Variants in SLC16A1 observed in about 807,000 individuals in gnomAD.
SLC16A1 encodes solute carrier family 16 member 1.
Under a neutral mutation model 32.2 loss-of-function variants are expected in SLC16A1, and 11 were observed. That is an observed-to-expected ratio of 0.34 (90% CI 0.21 to 0.56). The LOEUF (loss-of-function observed/expected upper bound fraction) is 0.56, where lower values mean the gene tolerates loss of function less well. Ranked by LOEUF, SLC16A1 falls within the 20% of genes least tolerant of loss-of-function variation. The pLI, the probability that SLC16A1 is intolerant of heterozygous loss-of-function variation, is 0.87. For synonymous variants in SLC16A1, 231 were observed against 226.8 expected (o/e 1.02, Z -0.17); for missense variants, 435 against 615.0 (o/e 0.71, Z 3.10).
In SLC16A1 at chr1:112,929,276, G is replaced by A; in HGVS notation, c.33C>T (p.Tyr11=). The part of the protein sequence containing the change: MPPAVGGPVG[Y]TPPDGGWGWA... ...AGCCCCAGCCTCCATCTGGGGGGGT[G>A]TATCCAACTGGACCTCCAACTGCTG... is the stretch of plus-strand genomic sequence containing the variant. Residue 11 remains tyrosine, a synonymous_variant, in exon 2 of 5, where the codon TAC becomes TAT. Transcript: ENST00000369626. The A allele has an allele frequency of 6.2e-7, 1 of 1,614,014 alleles. No individual in the cohort carries two copies. Among genetic ancestry groups the A allele is most frequent in the South Asian group, 1.1e-5 (1 of 91,074 alleles).
rs113308126 is a variant in SLC16A1 at position 112,937,350 on chromosome 1, T to C, written c.-44-7998A>G. Among the ~76,000 whole-genome samples the C allele has an allele frequency of 3.9e-3, 595 of 152,272 alleles. 1 individual carries two copies. Among genetic ancestry groups the C allele is most frequent in the Non-Finnish European group, 6.6e-3 (448 of 68,012 alleles). ...CTTATTCCACAGTGCCAAAATTAGA[T>C]TTAAAGCCTCAAGAAACTTTAGAAA... On this transcript the variant is annotated intron_variant, in intron 1 of 4. Transcript: ENST00000369626.
intron 1 of SLC16A1, among the ~76,000 whole-genome samples, chr1:112,951,383 A>G (rs946696191): frequency 6.6e-6 from 1 of 150,834 alleles, no homozygotes; most frequent in Non-Finnish European, 1.5e-5. Flanking sequence ...GAATCAGAAG[A>G]AAAAAACTAG....
rs546804901 is a variant in SLC16A1 at position 112,929,433 on chromosome 1, A to G, written c.-44-81T>C. On this transcript the variant is annotated intron_variant, in intron 1 of 4. Transcript: ENST00000369626. ...TTTTGTGAAATAAGAAATATAGCCA[A>G]TCGTGGTGGATCATGCCTATTAGTA... The G allele has an allele frequency of 1.2e-4, 98 of 791,728 alleles. No homozygotes were observed. In the African/African-American group the frequency reaches 1.5e-3, roughly 12 times the overall value. 49.0% of individuals were successfully genotyped at this position (791,728 alleles called of 1,614,324 possible). A position where few individuals can be genotyped will look rare whatever the true frequency, so the allele number is the denominator to read the frequency against.
intron 4 of SLC16A1, among the ~76,000 whole-genome samples, chr1:112,916,612 G>A (rs1258081098): frequency 6.7e-6 from 1 of 149,626 alleles, no homozygotes; most frequent in Non-Finnish European, 1.5e-5. Flanking sequence ...TCTACACTAA[G>A]CACATCAGTT....
chr1:112,950,996 T>C (rs985278241), intron 1 of SLC16A1, among the ~76,000 whole-genome samples: 29 of 151,908 alleles, frequency 1.9e-4, no homozygotes, highest in African/African-American at 6.5e-4. Flanking sequence ...ATTTATAAAT[T>C]TATAAATTAT....
chr1:112,935,777 T>C (rs763434520), intron 1 of SLC16A1: 2 of 152,178 alleles, frequency 1.3e-5, no homozygotes, highest in African/African-American at 4.8e-5. Flanking sequence ...CTAACAAATA[T>C]TCATACTGAC....
At chr1:112,933,803 A>T (rs2101638094) in intron 1 of SLC16A1, among the ~76,000 whole-genome samples, 1 of 152,352 alleles carries the variant, frequency 6.6e-6, no homozygotes. Context: ...AGTCCCTTGG[A>T]ACACATTTTG....
chr1:112,940,193 A>G (rs1649461440), intron 1 of SLC16A1, among the ~76,000 whole-genome samples: 1 of 151,894 alleles, frequency 6.6e-6, no homozygotes, highest in South Asian at 2.1e-4. Context: ...ATGAGACACC[A>G]TGCCTGGCTA....
chr1:112,950,406 G>A (rs1240125857), intron 1 of SLC16A1, among the ~76,000 whole-genome samples: 2 of 152,178 alleles, frequency 1.3e-5, no homozygotes, highest in African/African-American at 2.4e-5. Context: ...TGTAGGAAGA[G>A]CAAAATCAGA....
chr1:112,925,503 C>T (rs539918767), intron 2 of SLC16A1, among the ~76,000 whole-genome samples: 10 of 152,090 alleles, frequency 6.6e-5, no homozygotes, highest in South Asian at 2.1e-4. Flanking sequence ...CCCAGCCTCC[C>T]GAGTAGCTGG....
chr1:112,951,252 G>A (rs928076606), intron 1 of SLC16A1, among the ~76,000 whole-genome samples: 8 of 152,014 alleles, frequency 5.3e-5, no homozygotes, highest in Admixed American at 3.3e-4. Flanking sequence ...GGGGTTGGAC[G>A]AGAAATAACA....
At chr1:112,936,291 T>C (rs1310847286) in intron 1 of SLC16A1, among the ~76,000 whole-genome samples, 1 of 151,950 alleles carries the variant, frequency 6.6e-6, no homozygotes, top group Non-Finnish European at 1.5e-5. Context: ...GTGGATCACT[T>C]GAGGTCAGGA....
intron 1 of SLC16A1, among the ~76,000 whole-genome samples, chr1:112,945,340 G>C (rs1209505522): frequency 6.6e-6 from 1 of 151,770 alleles, no homozygotes; most frequent in Non-Finnish European, 1.5e-5. Flanking sequence ...TGTTTTTGAA[G>C]AACAGCATTC....
chr1:112,919,234 C>T (rs964717483), intron 3 of SLC16A1, among the ~76,000 whole-genome samples: 4 of 151,872 alleles, frequency 2.6e-5, no homozygotes, highest in African/African-American at 7.3e-5. Context: ...CGGGGTTTCA[C>T]CGTATTAGCC....
intron 1 of SLC16A1, among the ~76,000 whole-genome samples, chr1:112,937,646 C>T (rs986492302): frequency 6.6e-6 from 1 of 152,162 alleles, no homozygotes; most frequent in South Asian, 2.1e-4. Context: ...GAGAGCAGGC[C>T]CCCTTGCAGA....
At chr1:112,933,594 A>AT (rs1233950430) in intron 1 of SLC16A1, among the ~76,000 whole-genome samples, 1 of 152,234 alleles carries the variant, frequency 6.6e-6, no homozygotes, top group Non-Finnish European at 1.5e-5. Context: ...TTAAAAAAAA[A>AT]GCAAAAGATC....
At chr1:112,953,732 G>C (rs534767643) in intron 1 of SLC16A1, among the ~76,000 whole-genome samples, 96 of 152,174 alleles carry the variant, frequency 6.3e-4, no homozygotes, top group Non-Finnish European at 1.3e-3. Context: ...TTCATGTCTG[G>C]AATGTTCTTT....
chr1:112,918,837 C>T (rs773643602), intron 3 of SLC16A1, among the ~76,000 whole-genome samples: 26 of 152,032 alleles, frequency 1.7e-4, no homozygotes, highest in Non-Finnish European at 2.9e-4. Context: ...ACATATAGTA[C>T]AAAATGATCC....
intron 2 of SLC16A1, 37 bp from the exon 3 acceptor site, chr1:112,922,170 A>G: frequency 6.2e-7 from 1 of 1,604,370 alleles, no homozygotes; most frequent in Non-Finnish European, 8.5e-7. Flanking sequence ...TATAAAGGAA[A>G]CTGCTCCCTC....
Sources: allele counts gnomAD v4.1 joint callset (sites outside exome capture counted in the v4.1 genomes callset), GRCh38; gene constraint gnomAD v4.1.1; transcripts MANE v1.5; gene names NCBI Gene and HGNC (gene_info 2026-07-23, HGNC 2026-07-21).